Variants in SLC38A6 observed in about 807,000 individuals in gnomAD.
The protein encoded by SLC38A6 is N system amino acid transporter NAT-1.
In SLC38A6, 73 loss-of-function variants were observed where a neutral mutation model predicts 65.0. That is an observed-to-expected ratio of 1.12 (90% CI 0.93 to 1.37). SLC38A6 has a LOEUF of 1.37. SLC38A6 is among the 40% of genes most tolerant of loss of function. The probability of loss-of-function intolerance (pLI) is 0.00; values close to 1 mark genes in which losing one functional copy is unlikely to be tolerated. For synonymous variants in SLC38A6, 183 were observed against 178.8 expected (o/e 1.02, Z -0.19); for missense variants, 561 against 531.1 (o/e 1.06, Z -0.55).
intron 13 of SLC38A6, among the ~76,000 whole-genome samples, chr14:61,051,275 A>T (rs2042493973): frequency 6.6e-6 from 1 of 152,182 alleles, no homozygotes; most frequent in Admixed American, 6.5e-5. Flanking sequence ...CAGTGCCAAG[A>T]TTACAGCAGG....
Position 61,037,680 on chromosome 14 carries a change from TGTGGTAA to T in SLC38A6, c.624_624+6del, listed in dbSNP as rs746190371. ...TTTTCTTTATGATGTTCTTTGCTCT[TGTGGTAA>T]GTTTAAAATATAATACATTGCTTAT... On this transcript the variant is annotated splice_donor_variant and splice_donor_region_variant and coding_sequence_variant and intron_variant, in exon 8 of 16. Coordinates refer to ENST00000267488, the MANE Select transcript of SLC38A6 (RefSeq NM_153811.3). LOFTEE classifies it high-confidence loss of function. 2 of 1,581,010 alleles carry T rather than the reference TGTGGTAA, an allele frequency of 1.3e-6. No individual in the cohort carries two copies. Among genetic ancestry groups the T allele is most frequent in the Non-Finnish European group, 8.6e-7 (1 of 1,156,468 alleles).
At chr14:61,080,445 T>C (rs906203571) in intron 16 of SLC38A6, among the ~76,000 whole-genome samples, 1 of 152,198 alleles carries the variant, frequency 6.6e-6, no homozygotes, top group African/African-American at 2.4e-5. Context: ...CCTTTGGAAA[T>C]TGTGCCTTCC....
At chr14:61,031,716 T>C (rs1345649866) in intron 6 of SLC38A6, among the ~76,000 whole-genome samples, 1 of 147,582 alleles carries the variant, frequency 6.8e-6, no homozygotes, top group African/African-American at 2.7e-5. Context: ...CTATGTGAAA[T>C]TCATTTTTGT....
chr14:61,050,823 A>T (rs778984555), intron 13 of SLC38A6, among the ~76,000 whole-genome samples, 187 bp downstream of exon 13: 3 of 152,168 alleles, frequency 2.0e-5, no homozygotes, highest in Non-Finnish European at 4.4e-5. Context: ...ACAGTGAGCC[A>T]CTAAGCTAAT....
Position 61,048,014 on chromosome 14 carries a change from CATACATACATACATAA to C in SLC38A6, c.925+1851_925+1866del, listed in dbSNP as rs1005649348. The C allele has an allele frequency of 5.4e-4, 141 of 261,426 alleles. 1 individual carries two copies. The highest frequency in any genetic ancestry group is 1.5e-3 in the African/African-American group (52 of 34,996). The allele number at this position is 261,426 out of a possible 1,614,324, so 16.2% of individuals were successfully genotyped here. On this transcript the variant is annotated intron_variant, in intron 12 of 15. Transcript: ENST00000267488. Reference sequence around the variant, plus strand: ...ACATACATACATACATACATACATACATACATACATACATAAATAGAATAAATGATACAAAAGTAGT... The same window carrying C: ...ACATACATACATACATACATACATACATAGAATAAATGATACAAAAGTAGT...
intron 3 of SLC38A6, among the ~76,000 whole-genome samples, chr14:61,012,038 T>C (rs2039616137): frequency 6.6e-6 from 1 of 152,218 alleles, no homozygotes; most frequent in Non-Finnish European, 1.5e-5. Context: ...TGGTAGGCTA[T>C]TAATTATTGC....
At chr14:61,000,907 C>T (rs999092782) in intron 3 of SLC38A6, among the ~76,000 whole-genome samples, 2 of 152,214 alleles carry the variant, frequency 1.3e-5, no homozygotes, top group Admixed American at 1.3e-4. Context: ...TCAAAGCTCA[C>T]TGTGGACATT....
chr14:60,990,337 C>T (rs1296937494), intron 3 of SLC38A6, among the ~76,000 whole-genome samples: 1 of 152,104 alleles, frequency 6.6e-6, no homozygotes, highest in African/African-American at 2.4e-5. Context: ...CTTTTACACT[C>T]ATTATCGGGC....
intron 3 of SLC38A6, among the ~76,000 whole-genome samples, chr14:60,994,052 T>A (rs1411349863): frequency 6.6e-6 from 1 of 152,190 alleles, no homozygotes; most frequent in Non-Finnish European, 1.5e-5. Flanking sequence ...CTAAATATAA[T>A]CTCATCATAG....
chr14:61,083,679 G>T lies in SLC38A6; in HGVS notation c.1533G>T (p.Leu511Phe), dbSNP rs189389651. Residue 511 changes from leucine (L) to phenylalanine (F), a missense_variant, in exon 17 of 17, where the codon TTG (leucine) becomes TTT (phenylalanine). Transcript: ENST00000354886. ...CCAAACGTGTCCACACCTTGATCTT[G>T]CACTTCCCAACCTCCAGAACTGTGA... 4.9e-4 allele frequency: 763 copies of T among 1,549,802 alleles called. 1 individual carries two copies. Among genetic ancestry groups the T allele is most frequent in the Middle Eastern group, 4.2e-3 (24 of 5,678 alleles).
chr14:61,064,707 G>A (rs2042968289), intron 15 of SLC38A6, among the ~76,000 whole-genome samples: 1 of 150,784 alleles, frequency 6.6e-6, no homozygotes, highest in African/African-American at 2.4e-5. Flanking sequence ...TTTTTCCTGG[G>A]AAATATGGGC....
At chr14:61,065,872 G>C (rs936941186) in intron 15 of SLC38A6, among the ~76,000 whole-genome samples, 1 of 152,174 alleles carries the variant, frequency 6.6e-6, no homozygotes, top group Non-Finnish European at 1.5e-5. Context: ...GGGTAGCTAG[G>C]TGTGGAGAGT....
intron 15 of SLC38A6, among the ~76,000 whole-genome samples, chr14:61,073,084 T>G (rs1320871427): frequency 3.3e-5 from 5 of 152,184 alleles, no homozygotes; most frequent in Admixed American, 3.3e-4. Flanking sequence ...CCATTTTTAT[T>G]GGGGTGAGAT....
intron 5 of SLC38A6, among the ~76,000 whole-genome samples, chr14:61,024,346 C>CT (rs1182949623): frequency 6.6e-6 from 1 of 152,202 alleles, no homozygotes; most frequent in Non-Finnish European, 1.5e-5. Context: ...TTCCTGATAT[C>CT]TTCCCAATAC....
In SLC38A6 at chr14:61,025,740, C is replaced by T. The variant is rs72723923; in HGVS notation, c.404-4705C>T. Among the ~76,000 whole-genome samples, 135 of 151,936 alleles carry T rather than the reference C, an allele frequency of 8.9e-4. 1 individual carries two copies. Among genetic ancestry groups the T allele is most frequent in the Non-Finnish European group, 1.7e-3 (113 of 67,944 alleles). The stretch of plus-strand genomic sequence containing the variant: ...CTAGGGTCATGGGGGAGCATTTTCC[C>T]CCATATATTTTGATTTTCATTTATG... On this transcript the variant is annotated intron_variant, in intron 5 of 15. Coordinates refer to ENST00000267488, the MANE Select transcript of SLC38A6 (RefSeq NM_153811.3).
At chr14:61,032,183 A>ATAAC (rs2041038711) in intron 6 of SLC38A6, among the ~76,000 whole-genome samples, 1 of 151,928 alleles carries the variant, frequency 6.6e-6, no homozygotes, top group Admixed American at 6.6e-5. Flanking sequence ...TTGAATTAAT[A>ATAAC]TAACTGTGTT....
chr14:61,047,966 GATAGATAGATACATACATACATAC>G (rs1364178436), intron 12 of SLC38A6, among the ~76,000 whole-genome samples: 10 of 45,316 alleles, frequency 2.2e-4, no homozygotes, highest in Non-Finnish European at 3.1e-4. Context: ...TAGATAGATA[GATAGATAGATACATACATACATAC>G]ATACATACAT....
At position 60,984,792 on chromosome 14, in the gene SLC38A6, G is replaced by C. The variant is rs762053101; in HGVS notation, c.299G>C (p.Cys100Ser). 1.6e-5 allele frequency: 26 copies of C among 1,613,516 alleles called. No individual in the cohort carries two copies. Among genetic ancestry groups the C allele is most frequent in the Non-Finnish European group, 2.1e-5 (25 of 1,179,716 alleles). The change falls in exon 3 of 16, where the codon TGT (cysteine) becomes TCT (serine). Residue 100 changes from cysteine (C) to serine (S), a missense_variant. Transcript: ENST00000267488. ...SYSVHLLLSMCIQTAVTSYED... is the reference protein window; with the variant it reads ...SYSVHLLLSMSIQTAVTSYED... ...TCAGTCCATCTTCTGCTTAGTATGT[G>C]TATTCAGACAGGTGAGTAAAAATGT... is the stretch of plus-strand genomic sequence containing the variant.
At chr14:61,030,317 G>A (rs1211204068) in intron 5 of SLC38A6, 128 bp from the exon 6 acceptor site, 1 of 580,424 alleles carries the variant, frequency 1.7e-6, no homozygotes, top group East Asian at 3.1e-5. Context: ...CTTTGGTATA[G>A]TGTGTTATAT....
Sources: allele counts gnomAD v4.1 joint callset (sites outside exome capture counted in the v4.1 genomes callset), GRCh38; gene constraint gnomAD v4.1.1; transcripts MANE v1.5; gene names NCBI Gene and HGNC (gene_info 2026-07-23, HGNC 2026-07-21).